The following KMT2C variants were observed in gnomAD, a reference collection of about 807,000 sequenced individuals.
KMT2C encodes histone-lysine N-methyltransferase 2C.
In KMT2C, 88 loss-of-function variants were observed where a neutral mutation model predicts 507.9. The observed-to-expected ratio is 0.17, with a 90% CI of 0.15 to 0.21. The LOEUF is 0.21. KMT2C is among the 10% of genes least tolerant of loss of function. KMT2C has a pLI of 1.00. For missense variants in KMT2C, 4,954 were observed against 5,957.8 expected (o/e 0.83, Z 5.55); for synonymous variants, 2,049 against 2,080.8 (o/e 0.98, Z 0.42).
At chr7:152,320,554 C>G (rs2096764273) in intron 3 of KMT2C, among the ~76,000 whole-genome samples, 1 of 151,546 alleles carries the variant, frequency 6.6e-6, no homozygotes, top group East Asian at 1.9e-4. Flanking sequence ...TGGCCTGTCC[C>G]AAGCATTTTG....
At chr7:152,188,833 C>G (rs1351041788) in intron 31 of KMT2C, among the ~76,000 whole-genome samples, 1 of 151,978 alleles carries the variant, frequency 6.6e-6, no homozygotes, top group Non-Finnish European at 1.5e-5. Flanking sequence ...TGATCTCAAA[C>G]TCCTGCCTCA....
chr7:152,297,006 A>G (rs2096507492), intron 6 of KMT2C, among the ~76,000 whole-genome samples: 1 of 70,826 alleles, frequency 1.4e-5, no homozygotes, highest in South Asian at 5.0e-4. Context: ...AAAAAGAAAG[A>G]AAGAAAGAAA....
chr7:152,244,781 G>C (rs1179497067), intron 14 of KMT2C, among the ~76,000 whole-genome samples: 1 of 152,070 alleles, frequency 6.6e-6, no homozygotes, highest in Non-Finnish European at 1.5e-5. Context: ...AGAAAAATGT[G>C]TTACTATTCC....
In KMT2C at chr7:152,257,739, T is replaced by C. The variant is rs576059534; in HGVS notation, c.1300-5024A>G. Reference sequence around the variant, plus strand: ...ATATGTATATGAATATTTATGTGTATATACGTTAAGTGTAGGGGTGTTCAA... The same window carrying C: ...ATATGTATATGAATATTTATGTGTACATACGTTAAGTGTAGGGGTGTTCAA... On this transcript the variant is annotated intron_variant, in intron 9 of 58. Transcript: ENST00000262189. Among the ~76,000 whole-genome samples the C allele has an allele frequency of 1.1e-4, 16 of 152,262 alleles. 1 individual carries two copies. In the South Asian group the frequency reaches 2.3e-3, roughly 22 times the overall value.
rs199935077 is a variant in KMT2C, at chr7:152,154,466, A to T, written c.11961-21T>A. The T allele has an allele frequency of 2.2e-3, 3,555 of 1,606,808 alleles. 10 individuals carry two copies. The highest frequency in any genetic ancestry group is 2.4e-3 in the Non-Finnish European group (2,879 of 1,178,968). On this transcript the variant is annotated intron_variant, in intron 46 of 58. Transcript: ENST00000262189. ...GTATCCTGAAAAAACATAAACACAC[A>T]CATCAAAGTCTGCAAATCCACCACT...
rs113222244 is a variant in KMT2C, at chr7:152,418,861, C to CA, written c.161+16764dup. On this transcript the variant is annotated intron_variant, in intron 1 of 58. Transcript: ENST00000262189. ...CTCTAAATGTACATAAGTAGTATCA[C>CA]AAAAAAAAAAAAACTGTGTATATGA... Among the ~76,000 whole-genome samples, 615 of 131,996 alleles carry CA rather than the reference C, an allele frequency of 4.7e-3. 9 individuals are homozygous for CA. Among genetic ancestry groups the CA allele is most frequent in the South Asian group, 0.031 (128 of 4,182 alleles). The allele number at this position is 131,996 out of a possible 152,430, so 86.6% of individuals were successfully genotyped here.
chr7:152,356,964 T>G (rs914533126), intron 2 of KMT2C, among the ~76,000 whole-genome samples: 2 of 151,178 alleles, frequency 1.3e-5, no homozygotes, highest in South Asian at 2.1e-4. Context: ...CCAGACACGG[T>G]GGCTCACACC....
chr7:152,313,693 A>G (rs1438567118), intron 4 of KMT2C, among the ~76,000 whole-genome samples: 3 of 152,156 alleles, frequency 2.0e-5, no homozygotes, highest in Non-Finnish European at 4.4e-5. Flanking sequence ...ATCATTACCA[A>G]GCTAAATTAA....
chr7:152,304,119 C>T (rs1206615386), intron 6 of KMT2C, among the ~76,000 whole-genome samples: 2 of 152,152 alleles, frequency 1.3e-5, no homozygotes, highest in East Asian at 1.9e-4. Context: ...CAACCCCTCA[C>T]CTGAGCTTTA....
At chr7:152,433,773 A>C (rs1186568806) in intron 1 of KMT2C, among the ~76,000 whole-genome samples, 1 of 152,274 alleles carries the variant, frequency 6.6e-6, no homozygotes, top group Non-Finnish European at 1.5e-5. Flanking sequence ...GCAATACCCT[A>C]ATCGTCCAGT....
chr7:152,365,090 GCTT>G (rs1489546075), intron 1 of KMT2C, among the ~76,000 whole-genome samples: 1 of 152,134 alleles, frequency 6.6e-6, no homozygotes, highest in Non-Finnish European at 1.5e-5. Flanking sequence ...ATGACTGCAG[GCTT>G]CTTGTCTGAA....
At chr7:152,292,294 GAAAT>G (rs1467788226) in intron 6 of KMT2C, among the ~76,000 whole-genome samples, 8 of 152,066 alleles carry the variant, frequency 5.3e-5, no homozygotes, top group African/African-American at 7.3e-5. Flanking sequence ...GGTAATGAGA[GAAAT>G]AAATAAGATG....
chr7:152,139,331 G>T, intron 56 of KMT2C, 72 bp from the exon 57 acceptor site: 1 of 1,399,172 alleles, frequency 7.1e-7, no homozygotes, highest in Non-Finnish European at 1.0e-6. Context: ...ATCCACACCA[G>T]GAGGACTCAG....
At chr7:152,434,768 A>G (rs539531205) in intron 1 of KMT2C, among the ~76,000 whole-genome samples, 1 of 152,322 alleles carries the variant, frequency 6.6e-6, no homozygotes, top group African/African-American at 2.4e-5. Flanking sequence ...CTGGTCCTCT[A>G]ATAAGCTGGG....
At chr7:152,201,617 GAAAAAAAAAAAA>G (rs745427209) in intron 26 of KMT2C, among the ~76,000 whole-genome samples, 1,330 of 22,970 alleles carry the variant, frequency 0.058, 37 homozygotes, top group African/African-American at 0.1. Flanking sequence ...CAACAAAGAT[GAAAAAAAAAAAA>G]AAAAAAAAAA....
Position 152,139,617 on chromosome 7 carries a change from C to G in KMT2C, c.14460+58G>C, listed in dbSNP as rs961629770. 30 of 1,186,988 alleles carry G rather than the reference C, an allele frequency of 2.5e-5. No homozygotes were observed. The South Asian group carries it at 3.5e-4, about 14-fold the overall frequency. The allele number at this position is 1,186,988 out of a possible 1,614,324, so 73.5% of individuals were successfully genotyped here. On this transcript the variant is annotated intron_variant, in intron 56 of 58. Transcript: ENST00000262189. ...TGCCTTCCAGGGTGTCTGGCTGGCA[C>G]GGAGAAAGGGAGAGGATGATGGTGC...
chr7:152,225,787 C>A (rs1211436016), intron 18 of KMT2C, among the ~76,000 whole-genome samples: 1 of 151,900 alleles, frequency 6.6e-6, no homozygotes, highest in Non-Finnish European at 1.5e-5. Flanking sequence ...GGACTTCTCC[C>A]AGAAAAAAAC....
At chr7:152,243,260 CACA>C (rs1360338075) in intron 14 of KMT2C, among the ~76,000 whole-genome samples, 2 of 152,058 alleles carry the variant, frequency 1.3e-5, no homozygotes, top group Non-Finnish European at 2.9e-5. Flanking sequence ...CCAAAAATAC[CACA>C]ACAAGCACAA....
chr7:152,277,256 C>T (rs981331575), intron 6 of KMT2C, among the ~76,000 whole-genome samples: 4 of 152,096 alleles, frequency 2.6e-5, no homozygotes, highest in Non-Finnish European at 2.9e-5. Context: ...TTAATCTTCA[C>T]CAGTCTTTTT....
Sources: allele counts gnomAD v4.1 joint callset (sites outside exome capture counted in the v4.1 genomes callset), GRCh38; gene constraint gnomAD v4.1.1; transcripts MANE v1.5; gene names NCBI Gene and HGNC (gene_info 2026-07-23, HGNC 2026-07-21).